The following JAK1 variants were observed in gnomAD, a reference collection of about 807,000 sequenced individuals.
The protein encoded by JAK1 is tyrosine-protein kinase JAK1.
JAK1 carries 16 observed loss-of-function variants against 136.6 expected under a neutral mutation model. That is an observed-to-expected ratio of 0.12 (90% CI 0.08 to 0.18). The LOEUF (loss-of-function observed/expected upper bound fraction) is 0.18. JAK1 is among the 10% of genes least tolerant of loss of function. The pLI, the probability that JAK1 is intolerant of heterozygous loss-of-function variation, is 1.00. For missense variants in JAK1, 859 were observed against 1,450.1 expected (o/e 0.59, Z 6.62); for synonymous variants, 492 against 519.5 (o/e 0.95, Z 0.72).
intron 1 of JAK1, among the ~76,000 whole-genome samples, chr1:64,895,656 T>A (rs1326398679): frequency 6.6e-6 from 1 of 152,174 alleles, no homozygotes; most frequent in Admixed American, 6.5e-5. Context: ...ATATGCACAG[T>A]CTTCATTTCA....
At chr1:65,043,617 T>C (rs1647155002) in intron 2 of JAK1, among the ~76,000 whole-genome samples, 1 of 151,906 alleles carries the variant, frequency 6.6e-6, no homozygotes, top group Non-Finnish European at 1.5e-5. Flanking sequence ...CACTGCAACC[T>C]CTGCCTCCCA....
chr1:64,880,830 C>T (rs546141556), intron 3 of JAK1, among the ~76,000 whole-genome samples: 77 of 152,098 alleles, frequency 5.1e-4, no homozygotes, highest in Admixed American at 7.9e-4. Flanking sequence ...ACCTGTAATC[C>T]CAGCTATTCG....
chr1:65,021,164 A>G (rs1483462375), intron 2 of JAK1, among the ~76,000 whole-genome samples: 2 of 152,206 alleles, frequency 1.3e-5, no homozygotes, highest in Admixed American at 6.5e-5. Context: ...ACCCAGCAGA[A>G]TGGAGCTGGG....
intron 1 of JAK1, among the ~76,000 whole-genome samples, chr1:65,054,332 CTAT>C (rs1225512643): frequency 4.0e-5 from 6 of 151,446 alleles, no homozygotes; most frequent in Admixed American, 6.6e-5. Flanking sequence ...ATACTTAATA[CTAT>C]TATTTCATAT....
rs192623053 is a variant in JAK1, at chr1:64,951,946, C to T, written c.-78+14387G>A. ...TGCTGGGATTACAGGCGTGAGCCAC[C>T]GCGCCAGGCACAAGTTCTGCCTTTT... On this transcript the variant is annotated intron_variant, in intron 1 of 24. Transcript: ENST00000342505. Among the ~76,000 whole-genome samples, 367 of 152,092 alleles carry T rather than the reference C, an allele frequency of 2.4e-3. 2 individuals carry two copies. The highest frequency in any genetic ancestry group is 8.5e-3 in the African/African-American group (352 of 41,490).
At chr1:64,905,181 T>A (rs1276048795) in intron 1 of JAK1, among the ~76,000 whole-genome samples, 2 of 152,196 alleles carry the variant, frequency 1.3e-5, no homozygotes, top group African/African-American at 4.8e-5. Context: ...AGGAGCTGGC[T>A]ACAGGGTCTT....
At chr1:64,879,884 T>C (rs1644743043) in intron 3 of JAK1, among the ~76,000 whole-genome samples, 1 of 152,168 alleles carries the variant, frequency 6.6e-6, no homozygotes, top group Non-Finnish European at 1.5e-5. Flanking sequence ...AGGGAGATTA[T>C]GAAGTCACTC....
intron 2 of JAK1, among the ~76,000 whole-genome samples, chr1:65,000,621 C>T (rs369247416): frequency 6.6e-5 from 10 of 151,812 alleles, no homozygotes; most frequent in East Asian, 5.8e-4. Context: ...CAATGGAATA[C>T]GAAGTAGTGA....
chr1:64,907,277 G>A (rs1182172798), intron 1 of JAK1, among the ~76,000 whole-genome samples: 2 of 152,150 alleles, frequency 1.3e-5, no homozygotes, highest in Non-Finnish European at 2.9e-5. Flanking sequence ...ATCCTTTAGG[G>A]AGGAATAGCT....
intron 2 of JAK1, among the ~76,000 whole-genome samples, chr1:65,035,032 G>A (rs1647060429): frequency 6.6e-6 from 1 of 151,112 alleles, no homozygotes; most frequent in Admixed American, 6.6e-5. Flanking sequence ...CTCCAGCTTG[G>A]GCAACAAGAG....
chr1:64,841,201 G>A (rs761220479), intron 19 of JAK1, 44 bp downstream of exon 19: 47 of 1,339,562 alleles, frequency 3.5e-5, no homozygotes, highest in Non-Finnish European at 4.6e-5. Flanking sequence ...TGTGGATGGC[G>A]GAGGGCTCTG....
rs780612459 is a variant in JAK1 at position 64,864,987 on chromosome 1, A to G, written c.991-15T>C. 3 of 1,600,700 alleles carry G rather than the reference A, an allele frequency of 1.9e-6. No homozygotes were observed. In the Admixed American group the frequency reaches 5.1e-5, roughly 27 times the overall value. On this transcript the variant is annotated splice_polypyrimidine_tract_variant and intron_variant, in intron 7 of 24. Coordinates refer to ENST00000342505, the MANE Select transcript of JAK1 (RefSeq NM_002227.4). ...ACAGAAACAACCTGATAAGATACAT[A>G]AAAGGGACAGGGTTAAGTTGCTTTC...
chr1:64,958,439 C>T (rs1426848149), intron 1 of JAK1, among the ~76,000 whole-genome samples: 1 of 152,184 alleles, frequency 6.6e-6, no homozygotes, highest in African/African-American at 2.4e-5. Flanking sequence ...TTTAACTGAA[C>T]AAAATCAGTC....
chr1:65,018,780 G>C (rs1410334229), intron 2 of JAK1, among the ~76,000 whole-genome samples: 1 of 152,220 alleles, frequency 6.6e-6, no homozygotes, highest in African/African-American at 2.4e-5. Context: ...GGAGGCCGAG[G>C]CGGGCAGATC....
intron 12 of JAK1, among the ~76,000 whole-genome samples, chr1:64,848,889 T>C (rs1655410254): frequency 6.6e-6 from 1 of 152,220 alleles, no homozygotes; most frequent in Admixed American, 6.5e-5. Context: ...TTGTTATCTG[T>C]CAGAGCCGAA....
At chr1:64,930,037 C>T (rs543791690) in intron 1 of JAK1, among the ~76,000 whole-genome samples, 47 of 152,234 alleles carry the variant, frequency 3.1e-4, no homozygotes, top group African/African-American at 1.0e-3. Flanking sequence ...TAACTCAAGA[C>T]GGATTAAAGA....
At chr1:64,928,789 A>AAAACC (rs1553170016) in intron 1 of JAK1, among the ~76,000 whole-genome samples, 3 of 123,190 alleles carry the variant, frequency 2.4e-5, no homozygotes, top group African/African-American at 1.2e-4. Flanking sequence ...AAAAAAAAAA[A>AAAACC]AAAAAAACAA....
At chr1:64,970,900 T>C (rs965433138), upstream of JAK1, among the ~76,000 whole-genome samples, 6 of 152,216 alleles carry the variant, frequency 3.9e-5, no homozygotes, top group African/African-American at 1.4e-4. Flanking sequence ...CCAAATGCAG[T>C]GTAGAAGCCT....
chr1:64,976,323 C>T (rs1646497221), intron 2 of JAK1, among the ~76,000 whole-genome samples: 1 of 152,198 alleles, frequency 6.6e-6, no homozygotes, highest in Non-Finnish European at 1.5e-5. Context: ...GTCATGGACC[C>T]ATGCATTTTG....
Sources: gnomAD v4.1 joint callset for allele counts (sites outside exome capture counted in the v4.1 genomes callset) on GRCh38, gnomAD v4.1.1 for gene constraint, MANE v1.5 for transcripts, NCBI Gene and HGNC (gene_info 2026-07-23, HGNC 2026-07-21) for gene names.